Variants in TCERG1 observed in about 807,000 individuals in gnomAD.
The protein encoded by TCERG1 is TATA box binding protein (TBP)-associated factor, RNA polymerase II, S, 150kD.
Under a neutral mutation model 144.7 loss-of-function variants are expected in TCERG1, and 37 were observed. That is an observed-to-expected ratio of 0.26 (90% CI 0.20 to 0.34). The LOEUF (loss-of-function observed/expected upper bound fraction) is 0.34. Among genes scored for constraint, TCERG1 ranks in the 10% least tolerant of loss-of-function variants. The probability of loss-of-function intolerance (pLI) is 1.00; values close to 1 mark genes in which losing one functional copy is unlikely to be tolerated. For synonymous variants in TCERG1, 492 were observed against 458.2 expected (o/e 1.07, Z -0.94); for missense variants, 1,027 against 1,380.7 (o/e 0.74, Z 4.06).
chr5:146,493,547 G>C (rs1766615369), intron 16 of TCERG1, among the ~76,000 whole-genome samples: 1 of 151,854 alleles, frequency 6.6e-6, no homozygotes, highest in South Asian at 2.1e-4. Flanking sequence ...ACAGTTACTG[G>C]GTATTTTATG....
rs1351122217 is a variant in TCERG1 at position 146,511,825 on chromosome 5, C to T, written c.*1183C>T. The T allele has an allele frequency of 1.3e-5, 2 of 151,750 alleles. No individual in the cohort carries two copies. The highest frequency in any genetic ancestry group is 6.6e-5 in the Admixed American group (1 of 15,254). The allele number at this position is 151,750 out of a possible 1,614,324, so 9.4% of individuals were successfully genotyped here. A position where few individuals can be genotyped will look rare whatever the true frequency, so the allele number is the denominator to read the frequency against. On this transcript the variant is annotated 3_prime_UTR_variant, in exon 23 of 23. Transcript: ENST00000679501. ...CCTTTTTGGCATTCTTTCAACATGT[C>T]GTGTACATCACACCATGAATCAGTT...
intron 15 of TCERG1, among the ~76,000 whole-genome samples, chr5:146,485,828 G>A (rs1765773362): frequency 6.6e-6 from 1 of 152,114 alleles, no homozygotes; most frequent in African/African-American, 2.4e-5. Context: ...CCAAGTAGCT[G>A]GGATTACAAG....
intron 15 of TCERG1, among the ~76,000 whole-genome samples, chr5:146,488,520 C>T (rs922339740): frequency 3.3e-5 from 5 of 152,100 alleles, no homozygotes; most frequent in African/African-American, 1.2e-4. Flanking sequence ...ATCAAAACAG[C>T]AGTGAGGTGT....
intron 16 of TCERG1, among the ~76,000 whole-genome samples, chr5:146,496,629 C>A (rs753359305): frequency 1.3e-5 from 2 of 151,982 alleles, no homozygotes; most frequent in Non-Finnish European, 2.9e-5. Context: ...GTTTTCAATT[C>A]TTTGAACCTG....
rs560054117 is a variant in TCERG1 at position 146,468,260 on chromosome 5, G to A, written c.1136-81G>A. The A allele has an allele frequency of 3.7e-6, 4 of 1,092,964 alleles. No individual in the cohort carries two copies. The South Asian group carries it at 7.6e-5, about 21-fold the overall frequency. 67.7% of individuals were successfully genotyped at this position (1,092,964 alleles called of 1,614,324 possible). A position where few individuals can be genotyped will look rare whatever the true frequency, so the allele number is the denominator to read the frequency against. ...GGAAATAGCATTCTAAATTGTAGTG[G>A]TAAATTATTTCCCTGAATCCCAGTG... is the stretch of plus-strand genomic sequence containing the variant. On this transcript the variant is annotated intron_variant, in intron 5 of 22. Transcript: ENST00000679501.
chr5:146,503,536 C>T lies in TCERG1; in HGVS notation c.2595C>T (p.Ala865=). The part of the protein sequence containing the change: ...DLFKQYIEKI[A]KNLDSEKEKE... ...TCAAACAGTACATTGAAAAAATAGC[C>T]AAGGTAACTGTTGTGTTTACTTGTA... Residue 865 remains alanine (A), a synonymous_variant, in exon 18 of 23, where the codon GCC becomes GCT. Transcript: ENST00000679501. The T allele has an allele frequency of 6.2e-7, 1 of 1,612,994 alleles. No individual in the cohort carries two copies.
Position 146,463,637 on chromosome 5 carries a change from A to T in TCERG1, c.979A>T (p.Thr327Ser), listed in dbSNP as rs767424835. The change falls in exon 5 of 23, where the codon ACA (threonine) becomes TCA (serine). Residue 327 changes from threonine (T) to serine (S), a missense_variant. Thr to Ser is a moderately conservative substitution (Grantham distance 58). This residue lies in a region of TCERG1 where 187 missense variants were observed against 169.1 expected (regional missense o/e 1.11). Transcript: ENST00000679501. Reference protein sequence around the residue: ...VSVSTPAPTATPVQTVPQPHP... With the variant: ...VSVSTPAPTASPVQTVPQPHP... ...TGTTTCAACTCCTGCTCCTACAGCC[A>T]CACCTGTGCAAACCGTTCCCCAGCC... is the stretch of plus-strand genomic sequence containing the variant. The T allele has an allele frequency of 3.1e-6, 5 of 1,614,196 alleles. No individual in the cohort carries two copies. Among genetic ancestry groups the T allele is most frequent in the Non-Finnish European group, 4.2e-6 (5 of 1,180,038 alleles).
In TCERG1 at chr5:146,459,142, G is replaced by T. The variant is rs1256914621; in HGVS notation, c.697G>T (p.Ala233Ser). 2.5e-6 allele frequency: 4 copies of T among 1,611,080 alleles called. No homozygotes were observed. Among genetic ancestry groups the T allele is most frequent in the Non-Finnish European group, 3.4e-6 (4 of 1,177,580 alleles). The change falls in exon 4 of 23, where the codon GCA becomes TCA. Residue 233 changes from alanine (A) to serine (S), a missense_variant. Transcript: ENST00000679501. ...AGCCCAGGCCCAGGCTCAGGCTCAG[G>T]CACAAGCTCAGGCCCAGGCCCAGGC... ...AQAQAQAQAQ[A>S]QAQAQAQAQV...
intron 19 of TCERG1, among the ~76,000 whole-genome samples, chr5:146,505,997 G>A (rs1767958437): frequency 6.6e-6 from 1 of 152,008 alleles, no homozygotes; most frequent in Admixed American, 6.6e-5. Flanking sequence ...GGCTGGTCTC[G>A]AACTCCTGAC....
chr5:146,470,382 A>G (rs1275387514), intron 7 of TCERG1, among the ~76,000 whole-genome samples: 1 of 152,250 alleles, frequency 6.6e-6, no homozygotes, highest in Non-Finnish European at 1.5e-5. Flanking sequence ...TACAAATGAT[A>G]TATGAATGAC....
intron 1 of TCERG1, among the ~76,000 whole-genome samples, chr5:146,451,411 C>T (rs10069067): frequency 0.24 from 36,816 of 151,086 alleles, 5,572 homozygotes; most frequent in East Asian, 0.83. Flanking sequence ...CAGCCTCCAC[C>T]TGTCAGGTTC....
Position 146,447,381 on chromosome 5 carries a change from G to C in TCERG1, c.32G>C (p.Ser11Thr). The change falls in exon 1 of 23, where the codon AGT becomes ACT. Residue 11 changes from serine (S) to threonine (T), a missense_variant. By Grantham distance (58) the Ser-to-Thr change is moderately conservative. Around this residue, in one of 6 missense-constraint regions of TCERG1, gnomAD observed 175 missense variants for 197.0 expected, o/e 0.89. Coordinates refer to ENST00000679501, the MANE Select transcript of TCERG1 (RefSeq NM_001382548.1). Reference protein sequence around the residue: MAERGGDGGESERFNPGELRM... With the variant: MAERGGDGGETERFNPGELRM... ...GAGCGTGGCGGGGACGGGGGCGAGA[G>C]TGAACGATTCAACCCGGGGGAGCTC... 6.2e-7 allele frequency: 1 copy of C among 1,611,660 alleles called. No individual in the cohort carries two copies. The highest frequency in any genetic ancestry group is 8.5e-7 in the Non-Finnish European group (1 of 1,179,142).
chr5:146,461,907 A>G (rs1355865327), intron 4 of TCERG1: 3 of 152,556 alleles, frequency 2.0e-5, no homozygotes, highest in African/African-American at 4.8e-5. Flanking sequence ...CAGCCAGTAT[A>G]GTAGATTACA....
intron 9 of TCERG1, 84 bp from the exon 10 acceptor site, chr5:146,478,407 TCC>T: frequency 7.4e-7 from 1 of 1,358,378 alleles, no homozygotes. Context: ...TACCCTCATC[TCC>T]CTACTTGTAA....
chr5:146,471,460 C>G, intron 8 of TCERG1, 28 bp from the exon 9 acceptor site: 1 of 1,586,764 alleles, frequency 6.3e-7, no homozygotes, highest in Admixed American at 1.8e-5. Flanking sequence ...TAATGTGATA[C>G]TAATTAGAGT....
At chr5:146,503,570 A>G in intron 18 of TCERG1, 31 bp downstream of exon 18, 18 of 1,606,648 alleles carry the variant, frequency 1.1e-5, no homozygotes, top group Non-Finnish European at 1.5e-5. Context: ...TATTGCTTTC[A>G]TTGAATAATA....
At chr5:146,460,071 C>T (rs1157445318) in intron 4 of TCERG1, among the ~76,000 whole-genome samples, 13 of 152,012 alleles carry the variant, frequency 8.6e-5, no homozygotes, top group Admixed American at 8.5e-4. Context: ...TTAGGAGCTT[C>T]TCAGTAATCT....
chr5:146,503,890 C>T lies in TCERG1; in HGVS notation c.2665C>T (p.Arg889Ter), dbSNP rs1767706793. Residue 889 changes from arginine to a stop codon, truncating the protein, a stop_gained, in exon 19 of 23, where the codon CGA becomes TGA. Transcript: ENST00000679501. LOFTEE classifies it high-confidence loss of function. ...QARIEASLRE[R>*]EREVQKARSE... is the part of the protein sequence containing the mutation. ...CCGCATTGAGGCAAGCCTTCGAGAA[C>T]GAGAAAGGGAGGTTCAAAAGGCCCG... 1.2e-6 allele frequency: 2 copies of T among 1,611,170 alleles called. No individual in the cohort carries two copies. The highest frequency in any genetic ancestry group is 1.7e-6 in the Non-Finnish European group (2 of 1,178,728).
chr5:146,467,285 C>G (rs1023706086), intron 5 of TCERG1, among the ~76,000 whole-genome samples: 1 of 151,348 alleles, frequency 6.6e-6, no homozygotes, highest in Non-Finnish European at 1.5e-5. Flanking sequence ...TTTTCCTGTC[C>G]TTTAGTGGGG....
Sources: allele counts gnomAD v4.1 joint callset (sites outside exome capture counted in the v4.1 genomes callset), GRCh38; gene constraint gnomAD v4.1.1; regional missense constraint gnomAD v4.1.1; transcripts MANE v1.5; gene names NCBI Gene and HGNC (gene_info 2026-07-23, HGNC 2026-07-21).